Variants in ITGB1 observed in about 807,000 individuals in gnomAD.
The protein encoded by ITGB1 is integrin beta-1.
A neutral mutation model predicts 86.5 loss-of-function variants in ITGB1; 24 were observed. The ratio of observed to expected loss-of-function variants is 0.28; its 90% confidence interval spans 0.20 to 0.39. The LOEUF (loss-of-function observed/expected upper bound fraction) is 0.39, where lower values mean the gene tolerates loss of function less well. Among genes scored for constraint, ITGB1 ranks in the 10% least tolerant of loss-of-function variants. The probability of loss-of-function intolerance (pLI) is 1.00; values close to 1 mark genes in which losing one functional copy is unlikely to be tolerated. For synonymous variants in ITGB1, 323 were observed against 316.8 expected (o/e 1.02, Z -0.21); for missense variants, 556 against 946.9 (o/e 0.59, Z 5.42).
rs1391367246 is a variant in ITGB1 at position 32,908,383 on chromosome 10, A to G, written c.2316T>C (p.Asn772=). Residue 772 remains asparagine, a synonymous_variant, in exon 15 of 16, where the codon AAT becomes AAC. Transcript: ENST00000302278. Reference sequence around the variant, plus strand: ...TGTAACTTACCGTGTCCCATTTGGCATTCATTTTCTCCTTTTCAAATTTAG... The same window carrying G: ...TGTAACTTACCGTGTCCCATTTGGCGTTCATTTTCTCCTTTTCAAATTTAG... ...EFAKFEKEKM[N]AKWDTGENPI... 9.3e-6 allele frequency: 15 copies of G among 1,614,032 alleles called. No individual in the cohort carries two copies. Among genetic ancestry groups the G allele is most frequent in the Non-Finnish European group, 1.3e-5 (15 of 1,179,928 alleles).
chr10:32,913,888 AG>A (rs1385962312), intron 11 of ITGB1, among the ~76,000 whole-genome samples: 6 of 151,054 alleles, frequency 4.0e-5, no homozygotes, highest in African/African-American at 1.5e-4. Flanking sequence ...GTTGAAATGA[AG>A]GAAAAAATGT....
chr10:32,910,188 T>C, intron 14 of ITGB1, 35 bp downstream of exon 14: 1 of 1,456,604 alleles, frequency 6.9e-7, no homozygotes, highest in East Asian at 2.3e-5. Context: ...ACATACAAGA[T>C]ATGAAAAGAA....
chr10:32,919,662 C>A (rs950317684), intron 11 of ITGB1, among the ~76,000 whole-genome samples: 1 of 152,102 alleles, frequency 6.6e-6, no homozygotes, highest in African/African-American at 2.4e-5. Context: ...GCTATAAAAT[C>A]TTTTATTTTA....
chr10:32,903,330 C>A (rs1224251652), intron 15 of ITGB1, among the ~76,000 whole-genome samples: 4 of 104,462 alleles, frequency 3.8e-5, no homozygotes, highest in Non-Finnish European at 3.6e-5. Flanking sequence ...CCAGACTGGG[C>A]GAAAGAGCAA....
chr10:32,900,321 T>C lies in ITGB1; in HGVS notation c.*1249A>G, dbSNP rs2094878512. 1 of 152,446 alleles carries C rather than the reference T, an allele frequency of 6.6e-6. No homozygotes were observed. The highest frequency in any genetic ancestry group is 2.4e-5 in the African/African-American group (1 of 41,446). 9.4% of individuals were successfully genotyped at this position (152,446 alleles called of 1,614,324 possible). ...TGAACTACCCACCAACCAGAAATGC[T>C]TTTCCTCAACTTCTTTAATCTATAA... On this transcript the variant is annotated 3_prime_UTR_variant, in exon 16 of 16. Coordinates refer to ENST00000302278, the MANE Select transcript of ITGB1 (RefSeq NM_002211.4).
intron 2 of ITGB1, 27 bp downstream of exon 2, chr10:32,935,465 A>T (rs377235431): frequency 6.7e-7 from 1 of 1,502,240 alleles, no homozygotes; most frequent in African/African-American, 1.4e-5. Context: ...AAATGAAAAG[A>T]CAACTAAGAA....
intron 1 of ITGB1, among the ~76,000 whole-genome samples, chr10:32,941,198 C>T (rs938319065): frequency 2.6e-5 from 4 of 152,034 alleles, no homozygotes; most frequent in South Asian, 2.1e-4. Flanking sequence ...AGTCCCGAGG[C>T]GAATTATAAT....
intron 11 of ITGB1, among the ~76,000 whole-genome samples, chr10:32,914,691 CTT>C (rs1433201363): frequency 6.6e-6 from 1 of 152,148 alleles, no homozygotes; most frequent in Non-Finnish European, 1.5e-5. Context: ...TAGAAAGAGA[CTT>C]AGACTCCCAC....
chr10:32,929,197 G>C (rs1409372645), intron 4 of ITGB1, among the ~76,000 whole-genome samples: 1 of 121,554 alleles, frequency 8.2e-6, no homozygotes, highest in Non-Finnish European at 2.1e-5. Flanking sequence ...ACTTGGTACA[G>C]AAGAGTTAAA....
At chr10:32,917,039 A>C (rs555444703) in intron 11 of ITGB1, among the ~76,000 whole-genome samples, 2 of 152,312 alleles carry the variant, frequency 1.3e-5, no homozygotes, top group African/African-American at 4.8e-5. Context: ...ATAATACCAC[A>C]CATCTACAAC....
At chr10:32,917,928 AG>A (rs147160013) in intron 11 of ITGB1, among the ~76,000 whole-genome samples, 20,573 of 152,228 alleles carry the variant, frequency 0.14, 1,688 homozygotes, top group East Asian at 0.25. Context: ...ACAATAGCAA[AG>A]ACTTGGAACC....
intron 2 of ITGB1, among the ~76,000 whole-genome samples, chr10:32,935,257 C>CCCTA (rs2094997462): frequency 6.6e-6 from 1 of 152,152 alleles, no homozygotes; most frequent in Admixed American, 6.5e-5. Flanking sequence ...TGTGTTCAAT[C>CCCTA]CCTAGCATTT....
chr10:32,931,206 T>C (rs2094982402), intron 3 of ITGB1, among the ~76,000 whole-genome samples: 1 of 152,156 alleles, frequency 6.6e-6, no homozygotes, highest in African/African-American at 2.4e-5. Flanking sequence ...CACAAGATCC[T>C]AGTGAATTAC....
chr10:32,957,176 T>A (rs1193491422), intron 1 of ITGB1, among the ~76,000 whole-genome samples: 1 of 152,256 alleles, frequency 6.6e-6, no homozygotes, highest in African/African-American at 2.4e-5. Flanking sequence ...TAGATATTAC[T>A]GTTCCTATTT....
intron 1 of ITGB1, among the ~76,000 whole-genome samples, chr10:32,945,189 A>G (rs550674516): frequency 1.3e-5 from 2 of 152,316 alleles, no homozygotes; most frequent in East Asian, 3.9e-4. Flanking sequence ...ATCTTTTGAA[A>G]TCATCTAGTG....
At chr10:32,939,763 A>G (rs981322945) in intron 1 of ITGB1, among the ~76,000 whole-genome samples, 1 of 138,500 alleles carries the variant, frequency 7.2e-6, no homozygotes, top group African/African-American at 2.6e-5. Flanking sequence ...TGAGTGAGTG[A>G]GTGAGAGGGG....
At chr10:32,918,844 C>T (rs771209023) in intron 11 of ITGB1, among the ~76,000 whole-genome samples, 33 of 152,090 alleles carry the variant, frequency 2.2e-4, no homozygotes, top group Non-Finnish European at 4.0e-4. Context: ...AAAAAACATA[C>T]TGTGTATACC....
chr10:32,957,444 G>C (rs182847149), intron 1 of ITGB1, among the ~76,000 whole-genome samples: 8 of 152,174 alleles, frequency 5.3e-5, no homozygotes, highest in Admixed American at 3.9e-4. Context: ...CGGGGTGCCC[G>C]GCAGGGACCG....
At chr10:32,932,931 G>A (rs2094988664) in intron 2 of ITGB1, among the ~76,000 whole-genome samples, 1 of 151,848 alleles carries the variant, frequency 6.6e-6, no homozygotes, top group African/African-American at 2.4e-5. Flanking sequence ...TACTCTTTTA[G>A]TTATTTTAAA....
Sources: gnomAD v4.1 joint callset for allele counts (sites outside exome capture counted in the v4.1 genomes callset) on GRCh38, gnomAD v4.1.1 for gene constraint, MANE v1.5 for transcripts, NCBI Gene and HGNC (gene_info 2026-07-23, HGNC 2026-07-21) for gene names.